The following SLC36A1 variants were observed in gnomAD, a reference collection of about 807,000 sequenced individuals.
SLC36A1 encodes the protein proton-coupled amino acid transporter 1.
Under a neutral mutation model 47.5 loss-of-function variants are expected in SLC36A1, and 30 were observed. The observed-to-expected ratio is 0.63, with a 90% CI of 0.47 to 0.86. The LOEUF (loss-of-function observed/expected upper bound fraction) is 0.86. Ranked by LOEUF, SLC36A1 falls within the 40% of genes least tolerant of loss-of-function variation. The pLI is 0.00. For synonymous variants in SLC36A1, 255 were observed against 249.7 expected (o/e 1.02, Z -0.20); for missense variants, 517 against 606.0 (o/e 0.85, Z 1.54).
At chr5:151,515,556 A>G in the SLC36A1 span, among the ~76,000 whole-genome samples, 13 of 152,208 alleles carry the variant, frequency 8.5e-5, no homozygotes, top group East Asian at 2.1e-3. Flanking sequence ...GTATCCACCC[A>G]TACCCTTCCC....
At chr5:151,425,091 T>C in the SLC36A1 span, among the ~76,000 whole-genome samples, 1 of 152,218 alleles carries the variant, frequency 6.6e-6, no homozygotes, top group Admixed American at 6.5e-5. Flanking sequence ...ACTCAGACTT[T>C]CTGATCCCAA....
chr5:151,545,167 A>C, the SLC36A1 span: 1 of 1,614,218 alleles, frequency 6.2e-7, no homozygotes, highest in East Asian at 2.2e-5. Flanking sequence ...AAGAATCACC[A>C]GTGCCTTTCT....
intron 7 of SLC36A1, among the ~76,000 whole-genome samples, chr5:151,468,483 T>C (rs1756907600): frequency 6.7e-6 from 1 of 149,344 alleles, no homozygotes; most frequent in Non-Finnish European, 1.5e-5. Flanking sequence ...TAAATAGTTA[T>C]ATGTTACTAC....
chr5:151,505,953 C>G, the SLC36A1 span: 2 of 1,575,930 alleles, frequency 1.3e-6, no homozygotes, highest in Admixed American at 3.9e-5. Flanking sequence ...CCCATAGAGG[C>G]CATTAGGCTC....
the SLC36A1 span, chr5:151,512,401 T>C: frequency 6.2e-7 from 1 of 1,614,120 alleles, no homozygotes; most frequent in Non-Finnish European, 8.5e-7. The surrounding 1 kb of genome is among the most constrained non-coding windows in gnomAD (Gnocchi z 4.1). Flanking sequence ...CAGCAAGAGG[T>C]GCCTTTCGGG....
At chr5:151,387,679 G>A in the SLC36A1 span, among the ~76,000 whole-genome samples, 1 of 152,200 alleles carries the variant, frequency 6.6e-6, no homozygotes, top group Non-Finnish European at 1.5e-5. Context: ...CTAGCTCTCT[G>A]TAGCCTTGAA....
the SLC36A1 span, chr5:151,544,564 G>T: frequency 6.2e-7 from 1 of 1,614,076 alleles, no homozygotes; most frequent in East Asian, 2.2e-5. Context: ...GAGAATTGGG[G>T]TATAGAGGGT....
At chr5:151,370,386 T>A in the SLC36A1 span, among the ~76,000 whole-genome samples, 1 of 151,694 alleles carries the variant, frequency 6.6e-6, no homozygotes, top group Non-Finnish European at 1.5e-5. Flanking sequence ...TGATACCACA[T>A]TAGAATTTCA....
At chr5:151,554,491 A>C in the SLC36A1 span, 6 of 1,614,198 alleles carry the variant, frequency 3.7e-6, no homozygotes, top group Non-Finnish European at 5.1e-6. Context: ...TAAGACCCTC[A>C]TCCAGGTCTG....
chr5:151,465,566 C>A (rs1302146488), intron 5 of SLC36A1, among the ~76,000 whole-genome samples: 1 of 152,132 alleles, frequency 6.6e-6, no homozygotes, highest in African/African-American at 2.4e-5. Context: ...TCCTACCCTC[C>A]AGAGGCTTGT....
chr5:151,378,533 T>C, the SLC36A1 span: 1 of 219,088 alleles, frequency 4.6e-6, no homozygotes. Context: ...AAGTTGGGCC[T>C]TGCCATACAT....
the SLC36A1 span, among the ~76,000 whole-genome samples, chr5:151,361,571 T>G: frequency 2.0e-5 from 3 of 152,188 alleles, no homozygotes; most frequent in Non-Finnish European, 2.9e-5. Flanking sequence ...TGCTTTCAGA[T>G]GGTGTATTTA....
Position 151,491,236 on chromosome 5 carries a change from C to G in SLC36A1, c.*2982C>G, listed in dbSNP as rs1481073818. 6.6e-6 allele frequency: 1 copy of G among 152,614 alleles called. No individual in the cohort carries two copies. Among genetic ancestry groups the G allele is most frequent in the Non-Finnish European group, 1.5e-5 (1 of 68,040 alleles). 9.5% of individuals were successfully genotyped at this position (152,614 alleles called of 1,614,324 possible). A position where few individuals can be genotyped will look rare whatever the true frequency, so the allele number is the denominator to read the frequency against. ...AGCTGGCGTCTTCTGTTCACCCTGC[C>G]TAGCAGTTGTCACCATTCACAAGTG... On this transcript the variant is annotated 3_prime_UTR_variant, in exon 11 of 11. Transcript: ENST00000243389.
the SLC36A1 span, chr5:151,549,577 A>T: frequency 8.0e-7 from 1 of 1,244,662 alleles, no homozygotes. Flanking sequence ...GGTAAGGTTA[A>T]TGAACTAGAA....
At chr5:151,361,373 G>A in the SLC36A1 span, among the ~76,000 whole-genome samples, 43 of 152,230 alleles carry the variant, frequency 2.8e-4, no homozygotes, top group South Asian at 2.7e-3. Context: ...CAAACAACTC[G>A]AAACATCTTA....
intron 1 of SLC36A1, among the ~76,000 whole-genome samples, chr5:151,450,511 T>G (rs1468011559): frequency 7.0e-6 from 1 of 143,186 alleles, no homozygotes; most frequent in Non-Finnish European, 1.5e-5. Flanking sequence ...GGTGTCCACT[T>G]AACTAGCATG....
intron 10 of SLC36A1, among the ~76,000 whole-genome samples, chr5:151,483,729 C>G (rs1383177312): frequency 1.3e-5 from 2 of 152,144 alleles, no homozygotes; most frequent in Non-Finnish European, 2.9e-5. Context: ...AAAACAGATA[C>G]CCGTGCTGTT....
chr5:151,428,651 T>C, the SLC36A1 span, among the ~76,000 whole-genome samples: 1 of 151,956 alleles, frequency 6.6e-6, no homozygotes, highest in Admixed American at 6.5e-5. Context: ...TTTTTTTTTT[T>C]AGACCGAGTC....
At chr5:151,464,450 T>G in intron 3 of SLC36A1, 64 bp from the exon 4 acceptor site, 1 of 1,396,970 alleles carries the variant, frequency 7.2e-7, no homozygotes, top group East Asian at 2.3e-5. Context: ...TGAGTATCCA[T>G]TGGGTTCACT....
Sources: allele counts gnomAD v4.1 joint callset (sites outside exome capture counted in the v4.1 genomes callset), GRCh38; gene constraint gnomAD v4.1.1; non-coding constraint Gnocchi (gnomAD v3.1); transcripts MANE v1.5; gene names NCBI Gene and HGNC (gene_info 2026-07-23, HGNC 2026-07-21).